The following FRMD5 variants were observed in gnomAD, a reference collection of about 807,000 sequenced individuals.
FRMD5 encodes FERM domain containing 5.
Under a neutral mutation model 69.0 loss-of-function variants are expected in FRMD5, and 20 were observed. The observed-to-expected ratio is 0.29, with a 90% CI of 0.20 to 0.42. The LOEUF is 0.42. Ranked by LOEUF, FRMD5 falls within the 10% of genes least tolerant of loss-of-function variation. The pLI is 1.00. For synonymous variants in FRMD5, 271 were observed against 260.1 expected (o/e 1.04, Z -0.40); for missense variants, 595 against 708.6 (o/e 0.84, Z 1.82).
At chr15:44,099,511 A>G (rs1310136023) in intron 1 of FRMD5, among the ~76,000 whole-genome samples, 1 of 152,214 alleles carries the variant, frequency 6.6e-6, no homozygotes, top group Non-Finnish European at 1.5e-5. Context: ...ACTGAAAAAA[A>G]AATGTGGAAA....
At chr15:43,911,826 C>T (rs1020879740) in intron 4 of FRMD5, among the ~76,000 whole-genome samples, 7 of 152,158 alleles carry the variant, frequency 4.6e-5, no homozygotes, top group Admixed American at 1.3e-4. Flanking sequence ...TCCTTGTCCA[C>T]TTGATCATGT....
At chr15:43,950,981 A>G (rs762134095) in intron 1 of FRMD5, among the ~76,000 whole-genome samples, 10 of 152,176 alleles carry the variant, frequency 6.6e-5, no homozygotes, top group Non-Finnish European at 1.3e-4. Context: ...GCGGTGTGAG[A>G]CCAGATAACA....
At chr15:43,971,799 C>CGGGTTCAA (rs1339289313) in intron 1 of FRMD5, among the ~76,000 whole-genome samples, 2 of 150,276 alleles carry the variant, frequency 1.3e-5, no homozygotes, top group East Asian at 3.9e-4. Context: ...CTCCATCTCC[C>CGGGTTCAA]GGGTTCAAGC....
chr15:44,106,244 A>G (rs2076716570), intron 1 of FRMD5, among the ~76,000 whole-genome samples: 1 of 152,200 alleles, frequency 6.6e-6, no homozygotes, highest in Non-Finnish European at 1.5e-5. Context: ...CTTCATGCAT[A>G]GAAAGACGAA....
chr15:44,082,185 C>T (rs184302205), intron 1 of FRMD5, among the ~76,000 whole-genome samples: 244 of 152,080 alleles, frequency 1.6e-3, no homozygotes, highest in African/African-American at 5.1e-3. Flanking sequence ...GGTCCCCATA[C>T]GCCACTAGCT....
chr15:43,899,915 T>C (rs1164666462), intron 7 of FRMD5, among the ~76,000 whole-genome samples: 2 of 152,170 alleles, frequency 1.3e-5, no homozygotes, highest in African/African-American at 4.8e-5. Flanking sequence ...GAGAATCCCT[T>C]TCCCCGCTCT....
intron 1 of FRMD5, among the ~76,000 whole-genome samples, chr15:44,049,033 T>C (rs1057099108): frequency 2.0e-5 from 3 of 152,204 alleles, no homozygotes; most frequent in African/African-American, 7.2e-5. Flanking sequence ...CAAATTGCAA[T>C]AGTGCAACCA....
intron 4 of FRMD5, among the ~76,000 whole-genome samples, chr15:43,911,679 T>G (rs911122404): frequency 9.9e-5 from 15 of 152,178 alleles, no homozygotes; most frequent in African/African-American, 3.6e-4. Context: ...TGGTCCAGCA[T>G]CCCTAGGGGA....
chr15:44,081,232 C>T (rs557173573), intron 1 of FRMD5, among the ~76,000 whole-genome samples: 1 of 152,064 alleles, frequency 6.6e-6, no homozygotes, highest in Non-Finnish European at 1.5e-5. Flanking sequence ...CCTTGATGCC[C>T]TAGTTAATTA....
At chr15:44,189,927 T>C (rs1235672121) in intron 1 of FRMD5, among the ~76,000 whole-genome samples, 1 of 152,158 alleles carries the variant, frequency 6.6e-6, no homozygotes, top group Non-Finnish European at 1.5e-5. Context: ...CCCTGCAACA[T>C]GGGAATGGAG....
rs2088192054 is a variant in FRMD5, at chr15:43,872,676, G to A, written c.*1209C>T. ...CTGCCACGGTCACATTCTGTGTTTT[G>A]TAGGCATCTCTTAGAAATCTATTTT... On this transcript the variant is annotated 3_prime_UTR_variant, in exon 14 of 14. Transcript: ENST00000417257. 1 of 154,984 alleles carries A rather than the reference G, an allele frequency of 6.5e-6. No individual in the cohort carries two copies. Among genetic ancestry groups the A allele is most frequent in the Admixed American group, 6.4e-5 (1 of 15,720 alleles). The allele number at this position is 154,984 out of a possible 1,614,324, so 9.6% of individuals were successfully genotyped here.
chr15:44,016,738 A>C (rs1023862479), intron 1 of FRMD5, among the ~76,000 whole-genome samples: 2 of 152,104 alleles, frequency 1.3e-5, no homozygotes, highest in South Asian at 2.1e-4. Flanking sequence ...CAAAACAAAA[A>C]AAAAATGAAG....
chr15:44,158,062 C>T (rs1429134718), intron 1 of FRMD5, among the ~76,000 whole-genome samples: 2 of 152,120 alleles, frequency 1.3e-5, no homozygotes, highest in Non-Finnish European at 2.9e-5. Context: ...TAGGATTTTA[C>T]TTCACTTGAT....
At position 43,875,151 on chromosome 15, in the gene FRMD5, C is replaced by T. The variant is rs1180485178; in HGVS notation, c.1136-689G>A. 2.0e-5 allele frequency among the ~76,000 whole-genome samples: 3 copies of T among 151,890 alleles called. No individual in the cohort carries two copies. The South Asian group carries it at 6.2e-4, about 32-fold the overall frequency. On this transcript the variant is annotated intron_variant, in intron 13 of 13. Transcript: ENST00000417257. ...GGCAGAGGTTATAGTTAGCAGAGAT[C>T]GTGCCACTGCACTCCAGCCTGGGTG...
intron 1 of FRMD5, among the ~76,000 whole-genome samples, chr15:44,161,207 T>C (rs1332129808): frequency 6.6e-6 from 1 of 152,184 alleles, no homozygotes; most frequent in East Asian, 1.9e-4. Flanking sequence ...CACAGCTCCC[T>C]CAATTTCTAT....
In FRMD5 at chr15:43,937,374, G is replaced by A. The variant is rs555495437; in HGVS notation, c.103-13065C>T. 2.0e-4 allele frequency among the ~76,000 whole-genome samples: 31 copies of A among 152,288 alleles called. No individual in the cohort carries two copies. The East Asian group carries it at 3.3e-3, about 16-fold the overall frequency. ...ATTAAGAAGTGCTCTTCGGCCAGGC[G>A]TGGAGGCTCATGCCTGTAATCCCAG... On this transcript the variant is annotated intron_variant, in intron 1 of 13. Coordinates refer to ENST00000417257, the MANE Select transcript of FRMD5 (RefSeq NM_032892.5).
At chr15:44,060,056 A>G (rs998229191) in intron 1 of FRMD5, among the ~76,000 whole-genome samples, 2 of 152,228 alleles carry the variant, frequency 1.3e-5, no homozygotes, top group African/African-American at 4.8e-5. Context: ...AGAAGACAAG[A>G]AGGTAAGTGG....
chr15:43,985,477 A>G (rs996333853), intron 1 of FRMD5, among the ~76,000 whole-genome samples: 1 of 152,106 alleles, frequency 6.6e-6, no homozygotes, highest in Non-Finnish European at 1.5e-5. Context: ...AGTCTATAGT[A>G]AGATTACTAA....
chr15:43,905,498 T>C (rs2089149311), intron 6 of FRMD5, among the ~76,000 whole-genome samples: 1 of 152,206 alleles, frequency 6.6e-6, no homozygotes, highest in South Asian at 2.1e-4. Flanking sequence ...CCCCAGTTCA[T>C]GCTTTCCTCT....
Sources: gnomAD v4.1 joint callset for allele counts (sites outside exome capture counted in the v4.1 genomes callset) on GRCh38, gnomAD v4.1.1 for gene constraint, MANE v1.5 for transcripts, NCBI Gene and HGNC (gene_info 2026-07-23, HGNC 2026-07-21) for gene names.